The following SPATA20 variants were observed in gnomAD, a reference collection of about 807,000 sequenced individuals.
SPATA20 encodes the protein spermatogenesis-associated protein 20.
In SPATA20, 74 loss-of-function variants were observed where a neutral mutation model predicts 98.9. That is an observed-to-expected ratio of 0.75 (90% CI 0.62 to 0.91). The LOEUF (loss-of-function observed/expected upper bound fraction) is 0.91, where lower values mean the gene tolerates loss of function less well. Among genes scored for constraint, SPATA20 ranks in the 40% least tolerant of loss-of-function variants. The probability of loss-of-function intolerance (pLI) is 0.00; values close to 1 mark genes in which losing one functional copy is unlikely to be tolerated. For missense variants in SPATA20, 1,016 were observed against 1,069.8 expected, an observed-to-expected ratio of 0.95 and a Z score of 0.70; for synonymous variants, 430 against 440.5, an observed-to-expected ratio of 0.98 and a Z score of 0.30.
chr17:50,555,251 G>C lies in SPATA20; in HGVS notation c.2177G>C (p.Arg726Pro). The change falls in exon 16 of 17, where the codon CGT becomes CCT. Residue 726 changes from arginine (R) to proline (P), a missense_variant. Transcript: ENST00000006658. ...TLKQIVICGD[R>P]QAKDTKALVQ... The stretch of plus-strand genomic sequence containing the variant: ...GGTCAGATCGTGATCTGTGGAGACC[G>C]TCAGGCCAAGGACACCAAGGCCCTG... 1 of 1,613,886 alleles carries C rather than the reference G, an allele frequency of 6.2e-7. No homozygotes were observed. The highest frequency in any genetic ancestry group is 8.5e-7 in the Non-Finnish European group (1 of 1,179,892).
rs747273190 is a variant in SPATA20 at position 50,548,180 on chromosome 17, A to G, written c.126-103A>G. 8.0e-6 allele frequency: 12 copies of G among 1,508,568 alleles called. No individual in the cohort carries two copies. In the East Asian group the frequency reaches 2.9e-4, roughly 37 times the overall value. 93.4% of individuals were successfully genotyped at this position (1,508,568 alleles called of 1,614,324 possible). A position where few individuals can be genotyped will look rare whatever the true frequency, so the allele number is the denominator to read the frequency against. On this transcript the variant is annotated intron_variant, in intron 2 of 16. Transcript: ENST00000006658. ...CAGAAAGGTGGGTTGGGCTGGGAGC[A>G]GGGGTCCTACTGGGGTGCTGAGTGA...
rs1463300459 is a variant in SPATA20, at chr17:50,554,362, C to A, written c.2069C>A (p.Thr690Asn). 8.1e-6 allele frequency: 13 copies of A among 1,614,074 alleles called. No individual in the cohort carries two copies. Among genetic ancestry groups the A allele is most frequent in the Admixed American group, 1.7e-5 (1 of 60,014 alleles). ...DWMDKCVCLL[T>N]AFSERMRRVP... ...ATGGACAAGTGTGTGTGCCTATTGA[C>A]CGCCTTTTCCGAGCGCATGCGTCGT... Residue 690 changes from threonine (T) to asparagine (N), a missense_variant, in exon 15 of 17, where the codon ACC becomes AAC. By Grantham distance (65) the Thr-to-Asn change is moderately conservative. Transcript: ENST00000006658.
At chr17:50,548,088 A>C (rs1195677531) in intron 2 of SPATA20, 195 bp from the exon 3 acceptor site, 1 of 1,506,610 alleles carries the variant, frequency 6.6e-7, no homozygotes, top group Non-Finnish European at 8.8e-7. Context: ...GCCCCCAATG[A>C]GCCACCTCTC....
Position 50,555,766 on chromosome 17 carries a change from C to T in SPATA20, c.*104C>T. ...AGAACCTGTGGCCATCCCTGAGCAC[C>T]CTGCCACCAGGTGACCTCGGCCATA... On this transcript the variant is annotated 3_prime_UTR_variant, in exon 17 of 17. Coordinates refer to ENST00000006658, the MANE Select transcript of SPATA20 (RefSeq NM_022827.4). 2 of 1,053,252 alleles carry T rather than the reference C, an allele frequency of 1.9e-6. No individual in the cohort carries two copies. The highest frequency in any genetic ancestry group is 3.1e-4 in the Middle Eastern group (1 of 3,238). 65.2% of individuals were successfully genotyped at this position (1,053,252 alleles called of 1,614,324 possible). A position where few individuals can be genotyped will look rare whatever the true frequency, so the allele number is the denominator to read the frequency against.
chr17:50,552,182 T>A lies in SPATA20; in HGVS notation c.1957+2T>A, dbSNP rs371326432. The A allele has an allele frequency of 2.4e-5, 38 of 1,613,060 alleles. No individual in the cohort carries two copies. Among genetic ancestry groups the A allele is most frequent in the Non-Finnish European group, 2.9e-5 (34 of 1,179,796 alleles). On this transcript the variant is annotated splice_donor_variant, in intron 14 of 16. Coordinates refer to ENST00000006658, the MANE Select transcript of SPATA20 (RefSeq NM_022827.4). LOFTEE classifies it high-confidence loss of function. ...GCCTGCCCCTGCGTCTGAAGGACGG[T>A]CAGTGGGGGTGCAGGGCTAGTCTGG...
Position 50,551,678 on chromosome 17 carries a change from A to G in SPATA20, c.1744A>G (p.Ser582Gly), listed in dbSNP as rs984001306. The change falls in exon 13 of 17, where the codon AGC (serine) becomes GGC (glycine). Residue 582 changes from serine (S) to glycine (G), a missense_variant and splice_region_variant. Transcript: ENST00000006658. ...CGGCCCTGGGGGGACTGTGGAGCACAGGTTGGGGGCTGGGTAGACCGGGAG... is the reference window on the plus strand; with the variant it reads ...CGGCCCTGGGGGGACTGTGGAGCACGGGTTGGGGGCTGGGTAGACCGGGAG... ...YTGPGGTVEHSNPPCWGFLED... is the reference protein window; with the variant it reads ...YTGPGGTVEHGNPPCWGFLED... 1.3e-6 allele frequency: 2 copies of G among 1,587,028 alleles called. No individual in the cohort carries two copies. Among genetic ancestry groups the G allele is most frequent in the Non-Finnish European group, 1.7e-6 (2 of 1,158,668 alleles).
rs2035004453 is a variant in SPATA20 at position 50,551,003 on chromosome 17, C to T, written c.1389C>T (p.Pro463=). The change falls in exon 12 of 17, where the codon CCC becomes CCT. Residue 463 remains proline, a synonymous_variant. Coordinates refer to ENST00000006658, the MANE Select transcript of SPATA20 (RefSeq NM_022827.4). The stretch of plus-strand genomic sequence containing the variant: ...ACAAAGGCCATTCTCCTCAGGACCC[C>T]AAGGGGGAGCTGCAGGGCCAGAATG... ...EAGNISPSQD[P]KGELQGQNVL... 3 of 1,613,282 alleles carry T rather than the reference C, an allele frequency of 1.9e-6. No homozygotes were observed. Among genetic ancestry groups the T allele is most frequent in the Non-Finnish European group, 1.7e-6 (2 of 1,179,958 alleles).
chr17:50,554,095 G>A (rs2035055829), intron 14 of SPATA20, among the ~76,000 whole-genome samples, 156 bp from the exon 15 acceptor site: 1 of 152,204 alleles, frequency 6.6e-6, no homozygotes, highest in African/African-American at 2.4e-5. Context: ...GATAACTGCT[G>A]GAGTGGCATC....
Position 50,550,593 on chromosome 17 carries a change from C to T in SPATA20, c.1156C>T (p.Arg386Trp), listed in dbSNP as rs370102840. ...VAKGILQYVA[R>W]SLSHRSGGFY... is the part of the protein sequence containing the mutation. ...CAAAGGCATCCTGCAGTACGTGGCT[C>T]GGAGCCTGAGCCACCGGGTGTGTGT... is the stretch of plus-strand genomic sequence containing the variant. Residue 386 changes from arginine (R) to tryptophan (W), a missense_variant, in exon 10 of 17, where the codon CGG becomes TGG. Arg to Trp is a moderately radical substitution (Grantham distance 101). Transcript: ENST00000006658. 1.7e-4 allele frequency: 270 copies of T among 1,613,986 alleles called. No individual in the cohort carries two copies. The highest frequency in any genetic ancestry group is 2.2e-4 in the Admixed American group (13 of 60,012).
chr17:50,554,415 C>G lies in SPATA20; in HGVS notation c.2122C>G (p.Arg708Gly). The change falls in exon 15 of 17, where the codon CGC becomes GGC. Residue 708 changes from arginine (R) to glycine (G), a missense_variant. Transcript: ENST00000006658. ...CCCGGTGGCGTTGCCCGAGATGGTC[C>G]GCGCCCTCTCAGCCCAGCAGCAGAC... ...RVPVALPEMV[R>G]ALSAQQQTLK... The G allele has an allele frequency of 3.1e-6, 5 of 1,613,176 alleles. No homozygotes were observed. The highest frequency in any genetic ancestry group is 4.2e-6 in the Non-Finnish European group (5 of 1,179,992).
At chr17:50,548,124 G>A (rs1349683274) in intron 2 of SPATA20, 159 bp from the exon 3 acceptor site, 1 of 1,500,232 alleles carries the variant, frequency 6.7e-7, no homozygotes, top group Non-Finnish European at 8.8e-7. Context: ...ACATAAGGGG[G>A]AGCACAAAGG....
rs2035058833 is a variant in SPATA20, at chr17:50,554,248, T to C, written c.1958-3T>C. ...CCACCCCCTGCCTCCCTATGTGCTG[T>C]AGACCAGGATGGAGCAGAGCCCAGC... On this transcript the variant is annotated splice_region_variant and splice_polypyrimidine_tract_variant and intron_variant, in intron 14 of 16. Transcript: ENST00000006658. 1 of 1,613,846 alleles carries C rather than the reference T, an allele frequency of 6.2e-7. No individual in the cohort carries two copies.
chr17:50,555,539 G>T lies in SPATA20; in HGVS notation c.2286G>T (p.Gln762His). ...ACCCCTCGAGCTTCCTGTCCCGCCA[G>T]CTGCCTTTCCTGAGTACCCTCCGAC... ...DGDPSSFLSRQLPFLSTLRRL... is the reference protein window; with the variant it reads ...DGDPSSFLSRHLPFLSTLRRL... Residue 762 changes from glutamine (Q) to histidine (H), a missense_variant, in exon 17 of 17, where the codon CAG becomes CAT. Transcript: ENST00000006658. 6.2e-7 allele frequency: 1 copy of T among 1,614,024 alleles called. No individual in the cohort carries two copies. Among genetic ancestry groups the T allele is most frequent in the Non-Finnish European group, 8.5e-7 (1 of 1,179,988 alleles).
In SPATA20 at chr17:50,549,068, C is replaced by G. The variant is rs1382191919; in HGVS notation, c.542C>G (p.Pro181Arg). 6.2e-7 allele frequency: 1 copy of G among 1,613,492 alleles called. No individual in the cohort carries two copies. Among genetic ancestry groups the G allele is most frequent in the Non-Finnish European group, 8.5e-7 (1 of 1,179,986 alleles). Reference sequence around the variant, plus strand: ...GCCACCAGCAGCGGCGGGGGCTGGCCCATGAATGTGTGGCTGACTCCCAAC... The same window carrying G: ...GCCACCAGCAGCGGCGGGGGCTGGCGCATGAATGTGTGGCTGACTCCCAAC... ...VQATSSGGGW[P>R]MNVWLTPNLQ... is the part of the protein sequence containing the mutation. Residue 181 changes from proline to arginine, a missense_variant, in exon 6 of 17, where the codon CCC becomes CGC. Transcript: ENST00000006658.
Position 50,555,284 on chromosome 17 carries a change from G to C in SPATA20, c.2210G>C (p.Cys737Ser), listed in dbSNP as rs758689059. Residue 737 changes from cysteine (C) to serine (S), a missense_variant, in exon 16 of 17, where the codon TGC becomes TCC. Physicochemically the swap from Cys to Ser is moderately radical, Grantham distance 112. Coordinates refer to ENST00000006658, the MANE Select transcript of SPATA20 (RefSeq NM_022827.4). ...AAGGACACCAAGGCCCTGGTGCAGT[G>C]CGTCCACTCTGTCTACATTCCTAAC... The part of the protein sequence containing the change: ...QAKDTKALVQ[C>S]VHSVYIPNKV... 1 of 1,613,930 alleles carries C rather than the reference G, an allele frequency of 6.2e-7. No homozygotes were observed. Among genetic ancestry groups the C allele is most frequent in the African/African-American group, 1.3e-5 (1 of 74,876 alleles).
Position 50,548,853 on chromosome 17 carries a change from G to T in SPATA20, c.405G>T (p.Glu135Asp). 6.2e-7 allele frequency: 1 copy of T among 1,614,154 alleles called. No homozygotes were observed. The highest frequency in any genetic ancestry group is 1.3e-5 in the African/African-American group (1 of 75,060). Reference protein sequence around the residue: ...TCHWCHMMEEESFQNEEIGRL... With the variant: ...TCHWCHMMEEDSFQNEEIGRL... ...ACTGGTGCCACATGATGGAAGAGGA[G>T]TCCTTCCAGAATGAGGAGATTGGCC... The change falls in exon 5 of 17, where the codon GAG (glutamate) becomes GAT (aspartate). Residue 135 changes from glutamate (E) to aspartate (D), a missense_variant. Glu to Asp is a conservative substitution (Grantham distance 45). Transcript: ENST00000006658.
Position 50,555,472 on chromosome 17 carries a change from C to CT in SPATA20, c.2239-19dup. 3 of 1,613,430 alleles carry CT rather than the reference C, an allele frequency of 1.9e-6. No individual in the cohort carries two copies. Among genetic ancestry groups the CT allele is most frequent in the Admixed American group, 3.3e-5 (2 of 60,000 alleles). ...ACCCCACCCCGGCAGGTGACTCTCC[C>CT]TGCTCTGCTGCTGCCCTAGGTGCTG... On this transcript the variant is annotated intron_variant, in intron 16 of 16. Transcript: ENST00000006658.
At chr17:50,551,461 T>C in intron 12 of SPATA20, 50 bp from the exon 13 acceptor site, 2 of 1,558,140 alleles carry the variant, frequency 1.3e-6, no homozygotes, top group Non-Finnish European at 1.8e-6. Context: ...TGGACATGCC[T>C]GGAGGGTCCT....
At position 50,548,880 on chromosome 17, in the gene SPATA20, C is replaced by T; in HGVS notation, c.432C>T (p.Arg144=). 1 of 1,614,160 alleles carries T rather than the reference C, an allele frequency of 6.2e-7. No individual in the cohort carries two copies. The highest frequency in any genetic ancestry group is 2.2e-5 in the East Asian group (1 of 44,892). ...CCTTCCAGAATGAGGAGATTGGCCG[C>T]CTGCTCAGTGAGGACTTTGTGAGTG... is the stretch of plus-strand genomic sequence containing the variant. ...EESFQNEEIG[R]LLSEDFVSVK... Residue 144 remains arginine (R), a synonymous_variant, in exon 5 of 17, where the codon CGC becomes CGT. Transcript: ENST00000006658.
Sources: allele counts gnomAD v4.1 joint callset (sites outside exome capture counted in the v4.1 genomes callset), GRCh38; gene constraint gnomAD v4.1.1; transcripts MANE v1.5; gene names NCBI Gene and HGNC (gene_info 2026-07-23, HGNC 2026-07-21).